The following ZMIZ1 variants were observed in gnomAD, a reference collection of about 807,000 sequenced individuals.
ZMIZ1 encodes zinc finger MIZ-type containing 1.
In ZMIZ1, 17 loss-of-function variants were observed where a neutral mutation model predicts 113.9. That is an observed-to-expected ratio of 0.15 (90% confidence interval 0.10 to 0.22). The LOEUF (loss-of-function observed/expected upper bound fraction) is 0.22. ZMIZ1 is among the 10% of genes least tolerant of loss of function. The pLI is 1.00. For synonymous variants in ZMIZ1, 607 were observed against 603.1 expected, an observed-to-expected ratio of 1.01 and a Z score of -0.09; for missense variants, 1,059 against 1,477.8, an observed-to-expected ratio of 0.72 and a Z score of 4.65.
At chr10:79,245,173 C>T (rs1327393747) in intron 7 of ZMIZ1, among the ~76,000 whole-genome samples, 1 of 152,238 alleles carries the variant, frequency 6.6e-6, no homozygotes, top group Non-Finnish European at 1.5e-5. Flanking sequence ...GCTGCCTCCA[C>T]TGCCCTGCAC....
chr10:79,127,896 A>G (rs555017118), intron 2 of ZMIZ1, among the ~76,000 whole-genome samples: 161 of 152,100 alleles, frequency 1.1e-3, no homozygotes, highest in Non-Finnish European at 5.6e-4. Context: ...TTGAATTGAG[A>G]TGCTAAAAAT....
At chr10:79,299,870 A>G (rs1854171927) in intron 16 of ZMIZ1, among the ~76,000 whole-genome samples, 2 of 152,214 alleles carry the variant, frequency 1.3e-5, no homozygotes, top group African/African-American at 4.8e-5. Context: ...AGGATGCCAG[A>G]ACCAACCCTG....
chr10:79,219,272 G>C (rs1848864551), intron 7 of ZMIZ1, among the ~76,000 whole-genome samples: 1 of 152,210 alleles, frequency 6.6e-6, no homozygotes, highest in Admixed American at 6.5e-5. Flanking sequence ...TCTCTGTGCA[G>C]TCCCTCCACA....
At chr10:79,246,634 C>T (rs117464630) in intron 7 of ZMIZ1, among the ~76,000 whole-genome samples, 7,634 of 152,258 alleles carry the variant, frequency 0.05, 280 homozygotes, top group South Asian at 0.15. Context: ...GCTCTTGCCC[C>T]GCCACACCGT....
chr10:79,136,563 T>C (rs1564672802), intron 2 of ZMIZ1, among the ~76,000 whole-genome samples: 13 of 152,238 alleles, frequency 8.5e-5, no homozygotes, highest in South Asian at 2.1e-4. Flanking sequence ...TTCTGGTCAC[T>C]TGAGGGAGGT....
At position 79,312,852 on chromosome 10, in the gene ZMIZ1, AGAGCCACGGGCTGTGGGGCG is replaced by A; in HGVS notation, c.*105_*124del. 9.1e-7 allele frequency: 1 copy of A among 1,104,818 alleles called. No homozygotes were observed. The highest frequency in any genetic ancestry group is 1.3e-6 in the Non-Finnish European group (1 of 751,218). 68.4% of individuals were successfully genotyped at this position (1,104,818 alleles called of 1,614,324 possible). A position where few individuals can be genotyped will look rare whatever the true frequency, so the allele number is the denominator to read the frequency against. On this transcript the variant is annotated 3_prime_UTR_variant, in exon 25 of 25. Transcript: ENST00000334512. ...CTGTGCCCTCAGACCGCCCCGCACC[AGAGCCACGGGCTGTGGGGCG>A]GGGAGCCCTCCCCCGCTGCAGCCCT...
chr10:79,293,688 C>T lies in ZMIZ1; in HGVS notation c.1230+35C>T, dbSNP rs1302575604. Reference sequence around the variant, plus strand: ...GCAGTGGGAGCCTGGGAGGTGGGAACTGGGACACCTGGGCTTGAAGACATG... The same window carrying T: ...GCAGTGGGAGCCTGGGAGGTGGGAATTGGGACACCTGGGCTTGAAGACATG... On this transcript the variant is annotated intron_variant, in intron 12 of 24. Transcript: ENST00000334512. 3.7e-6 allele frequency: 6 copies of T among 1,612,840 alleles called. No homozygotes were observed. In the Admixed American group the frequency reaches 1.0e-4, roughly 27 times the overall value.
intron 4 of ZMIZ1, among the ~76,000 whole-genome samples, chr10:79,165,657 G>A (rs1485787706): frequency 6.6e-6 from 1 of 152,200 alleles, no homozygotes; most frequent in Non-Finnish European, 1.5e-5. Context: ...GGAGCTGACT[G>A]AGGGGCAGTG....
chr10:79,086,275 T>G lies in ZMIZ1; in HGVS notation c.-337+17005T>G, dbSNP rs545226653. On this transcript the variant is annotated intron_variant, in intron 1 of 24. Transcript: ENST00000334512. Reference sequence around the variant, plus strand: ...TTGTCATTACCTCCTCCCAGGGACCTCCTAGGCATTCTCCTCTGGACTCCC... The same window carrying G: ...TTGTCATTACCTCCTCCCAGGGACCGCCTAGGCATTCTCCTCTGGACTCCC... Among the ~76,000 whole-genome samples, 7 of 152,240 alleles carry G rather than the reference T, an allele frequency of 4.6e-5. No homozygotes were observed. In the South Asian group the frequency reaches 1.5e-3, roughly 32 times the overall value.
intron 4 of ZMIZ1, among the ~76,000 whole-genome samples, chr10:79,183,478 C>T (rs1218353906): frequency 3.3e-5 from 5 of 152,106 alleles, no homozygotes; most frequent in African/African-American, 1.2e-4. Flanking sequence ...AAAACTTGGG[C>T]CCCTAAACTG....
chr10:79,186,417 T>C (rs1357432504), intron 4 of ZMIZ1, among the ~76,000 whole-genome samples: 1 of 152,244 alleles, frequency 6.6e-6, no homozygotes. Flanking sequence ...GTGTGCCTGC[T>C]AGAAGCCCTG....
chr10:79,187,201 C>T (rs1386705297), intron 4 of ZMIZ1, among the ~76,000 whole-genome samples: 1 of 152,192 alleles, frequency 6.6e-6, no homozygotes, highest in East Asian at 1.9e-4. Context: ...TCACCCCGTC[C>T]CCACTTCATC....
chr10:79,310,473 T>C (rs1589621264), intron 23 of ZMIZ1, among the ~76,000 whole-genome samples: 1 of 152,204 alleles, frequency 6.6e-6, no homozygotes, highest in Non-Finnish European at 1.5e-5. Context: ...CAATGCTGTC[T>C]GTCTGTGTCT....
chr10:79,083,262 A>G (rs1456878520), intron 1 of ZMIZ1, among the ~76,000 whole-genome samples: 1 of 152,244 alleles, frequency 6.6e-6, no homozygotes, highest in African/African-American at 2.4e-5. Flanking sequence ...GCATTTGAGC[A>G]CATACCTCAG....
chr10:79,161,095 A>T (rs964263547), intron 3 of ZMIZ1, among the ~76,000 whole-genome samples: 4 of 152,180 alleles, frequency 2.6e-5, no homozygotes, highest in Admixed American at 6.5e-5. Context: ...GAGATGGGCC[A>T]GCTGAGCCCC....
intron 2 of ZMIZ1, among the ~76,000 whole-genome samples, chr10:79,134,580 G>A (rs902661174): frequency 6.6e-6 from 1 of 152,162 alleles, no homozygotes; most frequent in Non-Finnish European, 1.5e-5. Flanking sequence ...TTTGCCCCAC[G>A]GCACCCTGAC....
In ZMIZ1 at chr10:79,084,305, G is replaced by A. The variant is rs572549383; in HGVS notation, c.-337+15035G>A. ...CAAGGGATCAACTGCGTGGGGCTGG[G>A]TCTGTGCCTTCCTTCACACCTCCTC... On this transcript the variant is annotated intron_variant, in intron 1 of 24. Coordinates refer to ENST00000334512, the MANE Select transcript of ZMIZ1 (RefSeq NM_020338.4). 3.3e-5 allele frequency among the ~76,000 whole-genome samples: 5 copies of A among 152,364 alleles called. No homozygotes were observed. In the South Asian group the frequency reaches 1.0e-3, roughly 32 times the overall value.
chr10:79,246,235 CA>C (rs1850188668), intron 7 of ZMIZ1, among the ~76,000 whole-genome samples: 1 of 152,356 alleles, frequency 6.6e-6, no homozygotes, highest in South Asian at 2.1e-4. Context: ...AGAGGTCAGC[CA>C]GGGGGCACGA....
chr10:79,245,901 C>G (rs1276046572), intron 7 of ZMIZ1, among the ~76,000 whole-genome samples: 1 of 152,242 alleles, frequency 6.6e-6, no homozygotes, highest in African/African-American at 2.4e-5. Flanking sequence ...AGCTCAGACT[C>G]TAGAACATGT....
Sources: allele counts gnomAD v4.1 joint callset (sites outside exome capture counted in the v4.1 genomes callset), GRCh38; gene constraint gnomAD v4.1.1; transcripts MANE v1.5; gene names NCBI Gene and HGNC (gene_info 2026-07-23, HGNC 2026-07-21).